Variants in SLC15A1 observed in about 807,000 individuals in gnomAD.
SLC15A1 encodes the protein solute carrier family 15 member 1.
In SLC15A1, 83 loss-of-function variants were observed where a neutral mutation model predicts 92.9. That is an observed-to-expected ratio of 0.89 (90% confidence interval 0.75 to 1.07). The LOEUF (loss-of-function observed/expected upper bound fraction) is 1.07. SLC15A1 is among the 50% of genes least tolerant of loss of function. SLC15A1 has a pLI of 0.00. For synonymous variants in SLC15A1, 322 were observed against 318.2 expected (o/e 1.01, Z -0.13); for missense variants, 857 against 880.1 (o/e 0.97, Z 0.33).
intron 18 of SLC15A1, among the ~76,000 whole-genome samples, chr13:98,692,136 C>CTTTTTTTTTTTTTT (rs528865683): frequency 1.5e-5 from 1 of 67,616 alleles, no homozygotes. Flanking sequence ...TTCTCCTAAA[C>CTTTTTTTTTTTTTT]TTTTTTTTTT....
chr13:98,741,449 C>T (rs58169956), intron 1 of SLC15A1, among the ~76,000 whole-genome samples: 11,845 of 152,156 alleles, frequency 0.078, 515 homozygotes, highest in Middle Eastern at 0.19. Context: ...CCCATCTCTA[C>T]TAAACATACA....
intron 1 of SLC15A1, among the ~76,000 whole-genome samples, chr13:98,733,315 G>A (rs75383004): frequency 6.6e-6 from 1 of 152,354 alleles, no homozygotes; most frequent in East Asian, 1.9e-4. Context: ...CCCAAACTCT[G>A]TAAATACAGG....
rs756958244 is a variant in SLC15A1 at position 98,684,902 on chromosome 13, A to C, written c.1949T>G (p.Ile650Ser). The C allele has an allele frequency of 6.2e-7, 1 of 1,612,690 alleles. No homozygotes were observed. Residue 650 changes from isoleucine (I) to serine (S), a missense_variant, in exon 23 of 23, where the codon ATT (isoleucine) becomes AGT (serine). Transcript: ENST00000376503. ...GQFSKQWAEY[I>S]LFAALLLVVC... ...GACCAGAAGCAACGCGGCAAATAGA[A>C]TGTACTCGGCCCACTTTGAAGAAAT...
chr13:98,740,353 C>T (rs2088434462), intron 1 of SLC15A1, among the ~76,000 whole-genome samples: 1 of 152,214 alleles, frequency 6.6e-6, no homozygotes, highest in Non-Finnish European at 1.5e-5. Context: ...TGAGCTTCCC[C>T]CAGTGGAGAA....
chr13:98,714,011 C>T (rs368513664), intron 9 of SLC15A1, among the ~76,000 whole-genome samples: 1 of 148,806 alleles, frequency 6.7e-6, no homozygotes, highest in East Asian at 2.0e-4. Flanking sequence ...CGAGATCGTG[C>T]TACTACACTC....
At chr13:98,688,958 G>A (rs2087954328) in intron 18 of SLC15A1, among the ~76,000 whole-genome samples, 1 of 152,174 alleles carries the variant, frequency 6.6e-6, no homozygotes, top group African/African-American at 2.4e-5. Flanking sequence ...TATTTATTTA[G>A]AGATGGAGTC....
intron 16 of SLC15A1, 61 bp from the exon 17 acceptor site, chr13:98,704,496 A>G: frequency 6.9e-7 from 1 of 1,457,376 alleles, no homozygotes; most frequent in South Asian, 1.3e-5. Flanking sequence ...ATGCAACTGA[A>G]CGCTGGAAGA....
rs1294800538 is a variant in SLC15A1 at position 98,709,786 on chromosome 13, G to A, written c.946-12C>T. On this transcript the variant is annotated splice_polypyrimidine_tract_variant and intron_variant, in intron 12 of 22. Transcript: ENST00000376503. Reference sequence around the variant, plus strand: ...ATTTCAAGAGCTCCCTAAAAAGAGAGGAAAACAATCTCAGTGAAAAATGTC... The same window carrying A: ...ATTTCAAGAGCTCCCTAAAAAGAGAAGAAAACAATCTCAGTGAAAAATGTC... The A allele has an allele frequency of 6.2e-7, 1 of 1,614,074 alleles. No individual in the cohort carries two copies. The highest frequency in any genetic ancestry group is 2.2e-5 in the East Asian group (1 of 44,878).
At chr13:98,701,141 A>C (rs184970318) in intron 18 of SLC15A1, among the ~76,000 whole-genome samples, 6 of 152,214 alleles carry the variant, frequency 3.9e-5, no homozygotes, top group Non-Finnish European at 8.8e-5. Context: ...CATCTTTACT[A>C]TATTAAATCT....
chr13:98,701,066 A>G (rs1207168164), intron 18 of SLC15A1, among the ~76,000 whole-genome samples: 3 of 152,234 alleles, frequency 2.0e-5, no homozygotes, highest in Non-Finnish European at 4.4e-5. Flanking sequence ...AAAAGCAAAT[A>G]AAAATAATGC....
At chr13:98,718,305 T>TC (rs2088227478) in intron 8 of SLC15A1, among the ~76,000 whole-genome samples, 1 of 18,280 alleles carries the variant, frequency 5.5e-5, no homozygotes, top group African/African-American at 1.2e-4. Context: ...TTCATCTTTT[T>TC]TTTTTTTTTT....
chr13:98,706,025 C>G (rs2088109834), intron 16 of SLC15A1, 109 bp downstream of exon 16: 20 of 1,174,708 alleles, frequency 1.7e-5, no homozygotes, highest in Non-Finnish European at 2.4e-5. Context: ...TAGTTCACTT[C>G]TGGGCTGGCC....
chr13:98,698,202 A>T (rs2088038732), intron 18 of SLC15A1, among the ~76,000 whole-genome samples: 1 of 152,234 alleles, frequency 6.6e-6, no homozygotes, highest in Non-Finnish European at 1.5e-5. Context: ...ATTTTCAAGG[A>T]TATAAAGTAA....
chr13:98,689,189 C>G lies in SLC15A1; in HGVS notation c.1467-612G>C, dbSNP rs370357481. 5.3e-5 allele frequency among the ~76,000 whole-genome samples: 8 copies of G among 152,344 alleles called. No individual in the cohort carries two copies. In the East Asian group the frequency reaches 1.2e-3, roughly 22 times the overall value. On this transcript the variant is annotated intron_variant, in intron 18 of 22. Transcript: ENST00000376503. ...TCATGACCTCAGACGATCTGCCCAC[C>G]TCGGCCTCCCAAAGTGCTGGGATTG...
At chr13:98,700,484 C>CAAAAAAAAAAAAAAAAAAAAA (rs56342746) in intron 18 of SLC15A1, among the ~76,000 whole-genome samples, 2 of 50,912 alleles carry the variant, frequency 3.9e-5, no homozygotes, top group Non-Finnish European at 3.2e-5. Context: ...GACCCTGTCT[C>CAAAAAAAAAAAAAAAAAAAAA]AAAAAAAAAA....
At position 98,686,316 on chromosome 13, in the gene SLC15A1, G is replaced by A; in HGVS notation, c.1828-19C>T. 6.4e-7 allele frequency: 1 copy of A among 1,558,254 alleles called. No homozygotes were observed. Among genetic ancestry groups the A allele is most frequent in the South Asian group, 1.1e-5 (1 of 87,070 alleles). On this transcript the variant is annotated intron_variant, in intron 21 of 22. Transcript: ENST00000376503. ...AAGGAGCCTGAGGAAGCAAAGCAAAGTGAGTCCTGCTCCAGGTCTCACCCT... is the reference window on the plus strand; with the variant it reads ...AAGGAGCCTGAGGAAGCAAAGCAAAATGAGTCCTGCTCCAGGTCTCACCCT...
At position 98,691,976 on chromosome 13, in the gene SLC15A1, G is replaced by A. The variant is rs546906791; in HGVS notation, c.1467-3399C>T. 2.6e-5 allele frequency among the ~76,000 whole-genome samples: 4 copies of A among 151,934 alleles called. No individual in the cohort carries two copies. In the South Asian group the frequency reaches 8.3e-4, roughly 32 times the overall value. ...TAATCTCAGCTACTCGGGAGGCTGA[G>A]GCAGGAGAATCGCTTGAACCCAGGA... On this transcript the variant is annotated intron_variant, in intron 18 of 22. Coordinates refer to ENST00000376503, the MANE Select transcript of SLC15A1 (RefSeq NM_005073.4).
At chr13:98,706,567 C>T (rs973411892) in intron 15 of SLC15A1, among the ~76,000 whole-genome samples, 6 of 152,154 alleles carry the variant, frequency 3.9e-5, no homozygotes, top group African/African-American at 7.2e-5. Flanking sequence ...TGGCTTCCCC[C>T]GTACTGTTCT....
At chr13:98,723,186 C>T (rs754582141) in intron 5 of SLC15A1, among the ~76,000 whole-genome samples, 16 of 152,170 alleles carry the variant, frequency 1.1e-4, no homozygotes, top group Non-Finnish European at 1.5e-4. Context: ...CTCCCTCCAC[C>T]GACACAGTTC....
Sources: gnomAD v4.1 joint callset for allele counts (sites outside exome capture counted in the v4.1 genomes callset) on GRCh38, gnomAD v4.1.1 for gene constraint, MANE v1.5 for transcripts, NCBI Gene and HGNC (gene_info 2026-07-23, HGNC 2026-07-21) for gene names.